The following CAST variants were observed in gnomAD, a reference collection of about 807,000 sequenced individuals.
CAST encodes the protein MIR583 host.
Under a neutral mutation model 119.6 loss-of-function variants are expected in CAST, and 76 were observed. The ratio of observed to expected loss-of-function variants is 0.64; its 90% CI spans 0.53 to 0.77. The LOEUF (loss-of-function observed/expected upper bound fraction) is 0.77, where lower values mean the gene tolerates loss of function less well. CAST is among the 30% of genes least tolerant of loss of function. The pLI is 0.00. For missense variants in CAST, 953 were observed against 946.5 expected, an observed-to-expected ratio of 1.01 and a Z score of -0.09; for synonymous variants, 319 against 331.6, an observed-to-expected ratio of 0.96 and a Z score of 0.41.
the CAST span, chr5:96,429,227 A>G: frequency 6.5e-7 from 1 of 1,542,440 alleles, no homozygotes; most frequent in Non-Finnish European, 9.0e-7. Context: ...TCATCATCAG[A>G]TAATCTCTTA....
chr5:96,255,750 T>C, the CAST span, among the ~76,000 whole-genome samples: 1 of 152,184 alleles, frequency 6.6e-6, no homozygotes, highest in Non-Finnish European at 1.5e-5. Flanking sequence ...ATTTTGAGAC[T>C]GTGGCTTGAT....
At chr5:96,433,112 GAC>G in the CAST span, 620 of 1,431,500 alleles carry the variant, frequency 4.3e-4, 6 homozygotes, top group African/African-American at 8.1e-3. Context: ...AGAAAAGCCA[GAC>G]AGACTCCCCC....
chr5:96,594,826 T>A (rs1227507715), intron 1 of CAST, among the ~76,000 whole-genome samples: 2 of 152,138 alleles, frequency 1.3e-5, no homozygotes, highest in South Asian at 2.1e-4. Context: ...GTGGCAAGAT[T>A]TTTTTTTCTC....
the CAST span, among the ~76,000 whole-genome samples, chr5:96,002,429 A>G: frequency 6.6e-6 from 1 of 152,212 alleles, no homozygotes; most frequent in Non-Finnish European, 1.5e-5. Context: ...TGTGGTAGTC[A>G]AAGATGGCCA....
the CAST span, among the ~76,000 whole-genome samples, chr5:96,127,235 T>C: frequency 2.0e-5 from 3 of 152,106 alleles, no homozygotes; most frequent in Non-Finnish European, 2.9e-5. Flanking sequence ...AGATGCATCA[T>C]TACAAATTAC....
At chr5:96,057,306 G>A in the CAST span, among the ~76,000 whole-genome samples, 11 of 152,286 alleles carry the variant, frequency 7.2e-5, no homozygotes, top group East Asian at 7.7e-4. Flanking sequence ...AGGCAGAGCC[G>A]TCTCTGCTGG....
chr5:96,620,100 G>T (rs766839033), intron 1 of CAST, among the ~76,000 whole-genome samples: 1 of 152,198 alleles, frequency 6.6e-6, no homozygotes, highest in African/African-American at 2.4e-5. Context: ...TATTACTGCT[G>T]CTGTTATGAC....
chr5:96,611,040 G>A (rs563819340), intron 1 of CAST, among the ~76,000 whole-genome samples: 22 of 152,068 alleles, frequency 1.4e-4, no homozygotes, highest in African/African-American at 5.1e-4. Flanking sequence ...CACAAACATG[G>A]GAAAACATTC....
chr5:96,400,100 T>C, the CAST span: 2 of 1,613,958 alleles, frequency 1.2e-6, no homozygotes, highest in Non-Finnish European at 1.7e-6. Context: ...TGCTCCATTC[T>C]TTTTCCATCC....
the CAST span, among the ~76,000 whole-genome samples, chr5:96,500,929 T>C: frequency 1.3e-5 from 2 of 152,222 alleles, no homozygotes; most frequent in East Asian, 3.8e-4. Flanking sequence ...GGAATGAAGA[T>C]GAATCCAATG....
chr5:96,484,887 A>G, the CAST span, among the ~76,000 whole-genome samples: 138 of 152,260 alleles, frequency 9.1e-4, no homozygotes, highest in African/African-American at 3.1e-3. Context: ...TGAGAACTCT[A>G]TGCAAAGAAC....
the CAST span, among the ~76,000 whole-genome samples, chr5:96,455,386 T>A: frequency 6.6e-6 from 1 of 152,246 alleles, no homozygotes; most frequent in African/African-American, 2.4e-5. Flanking sequence ...ACAGGTGACT[T>A]TTATTTTGGG....
chr5:96,429,214 C>T, the CAST span: 13 of 1,455,234 alleles, frequency 8.9e-6, no homozygotes, highest in African/African-American at 4.2e-5. Flanking sequence ...AACACTTACA[C>T]GATCATCATC....
the CAST span, among the ~76,000 whole-genome samples, chr5:95,999,581 C>A: frequency 6.6e-6 from 1 of 152,068 alleles, no homozygotes; most frequent in Non-Finnish European, 1.5e-5. Flanking sequence ...TGATTTCAAG[C>A]GATTCTCCTG....
the CAST span, among the ~76,000 whole-genome samples, chr5:96,028,545 C>T: frequency 1.3e-5 from 2 of 151,164 alleles, no homozygotes; most frequent in Admixed American, 6.6e-5. Context: ...AAAAAATGAC[C>T]CCAAATTTAA....
At chr5:96,416,095 A>G in the CAST span, 1 of 1,612,536 alleles carries the variant, frequency 6.2e-7, no homozygotes, top group Non-Finnish European at 8.5e-7. Context: ...TTGCATGGCA[A>G]TTTCTCCTGC....
At chr5:96,247,996 C>G in the CAST span, 2 of 152,238 alleles carry the variant, frequency 1.3e-5, no homozygotes, top group Admixed American at 1.3e-4. Context: ...TCGGTGGGGA[C>G]AGGCAGAGCC....
intron 1 of CAST, among the ~76,000 whole-genome samples, chr5:96,615,520 C>A (rs1005314480): frequency 1.3e-5 from 2 of 152,156 alleles, no homozygotes; most frequent in Admixed American, 6.6e-5. Flanking sequence ...GAGAATGAAA[C>A]AGACAAGGAT....
chr5:96,108,122 C>A, the CAST span, among the ~76,000 whole-genome samples: 3 of 151,980 alleles, frequency 2.0e-5, no homozygotes, highest in South Asian at 2.1e-4. Context: ...GTTATACATT[C>A]TTCTAAATTT....
Sources: allele counts gnomAD v4.1 joint callset (sites outside exome capture counted in the v4.1 genomes callset), GRCh38; gene constraint gnomAD v4.1.1; transcripts MANE v1.5; gene names NCBI Gene and HGNC (gene_info 2026-07-23, HGNC 2026-07-21).